The following USP20 variants were observed in gnomAD, a reference collection of about 807,000 sequenced individuals.
USP20 encodes ubiquitin specific peptidase 20.
In USP20, 80 loss-of-function variants were observed where a neutral mutation model predicts 124.2. The observed-to-expected ratio is 0.64, with a 90% CI of 0.54 to 0.78. The LOEUF is 0.78. Ranked by LOEUF, USP20 falls within the 30% of genes least tolerant of loss-of-function variation. The probability of loss-of-function intolerance (pLI) is 0.00; values close to 1 mark genes in which losing one functional copy is unlikely to be tolerated. For missense variants in USP20, 1,043 were observed against 1,244.4 expected (o/e 0.84, Z 2.44); for synonymous variants, 481 against 512.3 (o/e 0.94, Z 0.83).
At chr9:129,853,141 C>G (rs72755288) in intron 3 of USP20, among the ~76,000 whole-genome samples, 5,007 of 152,052 alleles carry the variant, frequency 0.033, 118 homozygotes, top group South Asian at 0.076. Flanking sequence ...ACCCCTGTGC[C>G]CACCCTCCCC....
At chr9:129,880,017 C>A (rs1387836479) in intron 24 of USP20, 96 bp from the exon 25 acceptor site, 3 of 1,476,590 alleles carry the variant, frequency 2.0e-6, no homozygotes, top group Non-Finnish European at 2.7e-6. Context: ...CGTCTTCCCG[C>A]TTCGGGGCCT....
At chr9:129,867,237 C>A (rs530898988) in intron 10 of USP20, among the ~76,000 whole-genome samples, 23 of 152,284 alleles carry the variant, frequency 1.5e-4, no homozygotes, top group African/African-American at 5.5e-4. Context: ...CCCAGTGCAC[C>A]CCCTGTGTGA....
intron 17 of USP20, 47 bp downstream of exon 17, chr9:129,873,791 C>T (rs1051462609): frequency 1.3e-6 from 2 of 1,593,562 alleles, no homozygotes; most frequent in Non-Finnish European, 1.7e-6. Flanking sequence ...TCTCGGGATG[C>T]ACACCAGCAC....
intron 8 of USP20, among the ~76,000 whole-genome samples, chr9:129,861,930 A>C (rs2033570239): frequency 6.6e-6 from 1 of 152,220 alleles, no homozygotes; most frequent in African/African-American, 2.4e-5. Context: ...AAAATGGCAC[A>C]AGACAACATG....
chr9:129,865,218 G>T lies in USP20; in HGVS notation c.612-85G>T, dbSNP rs537133069. ...TCAGGAAACGCCACACTCTGATCCAGCCTGACGGGCTGGCTGCCTGCTTCT... is the reference window on the plus strand; with the variant it reads ...TCAGGAAACGCCACACTCTGATCCATCCTGACGGGCTGGCTGCCTGCTTCT... On this transcript the variant is annotated intron_variant, in intron 9 of 25. Transcript: ENST00000372429. The T allele has an allele frequency of 5.1e-5, 75 of 1,461,110 alleles. 2 individuals are homozygous for T. The African/African-American group carries it at 5.1e-4, about 10-fold the overall frequency. The allele number at this position is 1,461,110 out of a possible 1,614,324, so 90.5% of individuals were successfully genotyped here.
At position 129,869,299 on chromosome 9, in the gene USP20, T is replaced by TG. The variant is rs745953509; in HGVS notation, c.1277-10dup. The TG allele has an allele frequency of 6.2e-7, 1 of 1,612,436 alleles. No individual in the cohort carries two copies. Among genetic ancestry groups the TG allele is most frequent in the Non-Finnish European group, 8.5e-7 (1 of 1,179,224 alleles). The stretch of plus-strand genomic sequence containing the variant: ...GGTGGAGGCTGGGCTAGTCCTGTGC[T>TG]GTGTCCCCAGCCCAGGTATTGAGTG... On this transcript the variant is annotated splice_polypyrimidine_tract_variant and intron_variant, in intron 12 of 25. Coordinates refer to ENST00000372429, the MANE Select transcript of USP20 (RefSeq NM_001110303.4).
At chr9:129,845,726 A>G (rs1471025770) in intron 1 of USP20, among the ~76,000 whole-genome samples, 1 of 152,224 alleles carries the variant, frequency 6.6e-6, no homozygotes, top group East Asian at 1.9e-4. Context: ...ATTATAACAC[A>G]GTCATTCAGG....
chr9:129,868,476 G>A (rs777461713), intron 11 of USP20, 27 bp downstream of exon 11: 1 of 1,598,648 alleles, frequency 6.3e-7, no homozygotes, highest in South Asian at 1.1e-5. Flanking sequence ...GACTGCGGGA[G>A]GAACCTCAGC....
At position 129,864,104 on chromosome 9, in the gene USP20, C is replaced by CAAA. The variant is rs34045747; in HGVS notation, c.611+816_611+818dup. On this transcript the variant is annotated intron_variant, in intron 9 of 25. Transcript: ENST00000372429. ...CTGTTGACAAAGCGAGACTCTGTCT[C>CAAA]AAAAAAAAAAAAACAAAAACAAAAC... Among the ~76,000 whole-genome samples the CAAA allele has an allele frequency of 9.5e-5, 13 of 136,776 alleles. No individual in the cohort carries two copies. In the East Asian group the frequency reaches 1.3e-3, roughly 13 times the overall value. The allele number at this position is 136,776 out of a possible 152,430, so 89.7% of individuals were successfully genotyped here. A position where few individuals can be genotyped will look rare whatever the true frequency, so the allele number is the denominator to read the frequency against.
intron 3 of USP20, among the ~76,000 whole-genome samples, chr9:129,855,853 A>C (rs1365250941): frequency 6.6e-6 from 1 of 151,826 alleles, no homozygotes; most frequent in Non-Finnish European, 1.5e-5. Flanking sequence ...GGTCTAGTGA[A>C]CTCTTCATTT....
rs565548709 is a variant in USP20 at position 129,874,947 on chromosome 9, C to T, written c.2040C>T (p.Leu680=). The T allele has an allele frequency of 2.5e-6, 4 of 1,613,742 alleles. No individual in the cohort carries two copies. The African/African-American group carries it at 4.0e-5, about 16-fold the overall frequency. The change falls in exon 19 of 26, where the codon CTC becomes CTT. Residue 680 remains leucine, a synonymous_variant. Transcript: ENST00000372429. ...TGCAGAACGCCGAGGGCTACGTACT[C>T]TTCTACAGGTGGGCGCTGGGCCAGG... is the stretch of plus-strand genomic sequence containing the variant. The part of the protein sequence containing the change: ...TVVQNAEGYV[L]FYRKSSEEAM...
At chr9:129,843,604 G>T (rs534299967) in intron 1 of USP20, among the ~76,000 whole-genome samples, 2 of 152,078 alleles carry the variant, frequency 1.3e-5, no homozygotes, top group Non-Finnish European at 1.5e-5. Flanking sequence ...GGGCGTGGTG[G>T]TGTGTGCTTG....
intron 9 of USP20, among the ~76,000 whole-genome samples, chr9:129,863,782 A>C (rs560528622): frequency 1.2e-4 from 19 of 152,380 alleles, no homozygotes; most frequent in African/African-American, 3.6e-4. Flanking sequence ...ATGAGCACAT[A>C]GAAATATGTA....
intron 1 of USP20, among the ~76,000 whole-genome samples, chr9:129,837,707 G>A (rs1329595388): frequency 6.6e-6 from 1 of 152,146 alleles, no homozygotes; most frequent in Non-Finnish European, 1.5e-5. Flanking sequence ...AATCACCTCC[G>A]GGAGGGTGGC....
At chr9:129,836,320 G>A (rs1451032046) in intron 1 of USP20, among the ~76,000 whole-genome samples, 1 of 152,144 alleles carries the variant, frequency 6.6e-6, no homozygotes, top group Non-Finnish European at 1.5e-5. Flanking sequence ...CCTGGGCAAA[G>A]CATCATCTCA....
At chr9:129,856,459 T>C in intron 4 of USP20, 99 bp downstream of exon 4, 1 of 1,416,734 alleles carries the variant, frequency 7.1e-7, no homozygotes, top group Non-Finnish European at 1.0e-6. Flanking sequence ...GGCTGGGAAC[T>C]TCCATCCCTA....
chr9:129,868,952 C>T lies in USP20; in HGVS notation c.1226C>T (p.Pro409Leu). 2 of 1,612,816 alleles carry T rather than the reference C, an allele frequency of 1.2e-6. No individual in the cohort carries two copies. Among genetic ancestry groups the T allele is most frequent in the Admixed American group, 1.7e-5 (1 of 59,894 alleles). Residue 409 changes from proline to leucine, a missense_variant, in exon 12 of 26, where the codon CCC becomes CTC. Physicochemically the swap from Pro to Leu is moderately conservative, Grantham distance 98 (BLOSUM62 -3). Coordinates refer to ENST00000372429, the MANE Select transcript of USP20 (RefSeq NM_001110303.4). ...HEGHAKLSSSPPRASPVRMAP... is the reference protein window; with the variant it reads ...HEGHAKLSSSLPRASPVRMAP... ...GGCCATGCCAAGCTGTCTAGCAGCC[C>T]CCCTCGTGCAAGCCCCGTGAGGATG...
At position 129,879,652 on chromosome 9, in the gene USP20, C is replaced by T; in HGVS notation, c.2584+8C>T. 1 of 1,613,792 alleles carries T rather than the reference C, an allele frequency of 6.2e-7. No individual in the cohort carries two copies. Among genetic ancestry groups the T allele is most frequent in the Non-Finnish European group, 8.5e-7 (1 of 1,179,890 alleles). On this transcript the variant is annotated splice_region_variant and intron_variant, in intron 24 of 25. Transcript: ENST00000372429. This position sits in a 1 kb window ranked among gnomAD's most constrained non-coding sequence, Gnocchi z 4.2. Reference sequence around the variant, plus strand: ...ATGTCCAGCTGAAGCAGGGTGAGTTCCCCCTGGGGTCAGCCAGGCTCCTCT... The same window carrying T: ...ATGTCCAGCTGAAGCAGGGTGAGTTTCCCCTGGGGTCAGCCAGGCTCCTCT...
chr9:129,870,598 G>A lies in USP20; in HGVS notation c.1660+51G>A, dbSNP rs752347989. 5 of 1,592,496 alleles carry A rather than the reference G, an allele frequency of 3.1e-6. No individual in the cohort carries two copies. The Admixed American group carries it at 8.4e-5, about 27-fold the overall frequency. ...GGGGAGGTGGAGGGTTGTGGGGACG[G>A]GGATGTGCAGACCCCAGCAGGCCAG... On this transcript the variant is annotated intron_variant, in intron 15 of 25. Coordinates refer to ENST00000372429, the MANE Select transcript of USP20 (RefSeq NM_001110303.4).
Sources: gnomAD v4.1 joint callset for allele counts (sites outside exome capture counted in the v4.1 genomes callset) on GRCh38, gnomAD v4.1.1 for gene constraint, Gnocchi (gnomAD v3.1) non-coding constraint, MANE v1.5 for transcripts, NCBI Gene and HGNC (gene_info 2026-07-23, HGNC 2026-07-21) for gene names.